COL12A1: variants seen among roughly 807,000 people sequenced by gnomAD.
The protein encoded by COL12A1 is collagen type XII alpha 1 chain, also known as collagen alpha-1(XII) chain.
COL12A1 carries 114 observed loss-of-function variants against 349.7 expected under a neutral mutation model. That is an observed-to-expected ratio of 0.33 (90% CI 0.28 to 0.38). COL12A1 has a LOEUF of 0.38. Among genes scored for constraint, COL12A1 ranks in the 10% least tolerant of loss-of-function variants. The probability of loss-of-function intolerance (pLI) is 1.00; values close to 1 mark genes in which losing one functional copy is unlikely to be tolerated. For missense variants in COL12A1, 3,284 were observed against 3,756.9 expected, an observed-to-expected ratio of 0.87 and a Z score of 3.29; for synonymous variants, 1,369 against 1,329.0, an observed-to-expected ratio of 1.03 and a Z score of -0.66.
At chr6:75,182,930 CAT>C (rs1367088865) in intron 10 of COL12A1, 118 bp downstream of exon 10, 2 of 1,228,722 alleles carry the variant, frequency 1.6e-6, no homozygotes, top group African/African-American at 3.0e-5. Flanking sequence ...TTTTCAATAA[CAT>C]AGGAAAGTTA....
intron 2 of COL12A1, among the ~76,000 whole-genome samples, chr6:75,201,472 A>G (rs1463336393): frequency 1.3e-5 from 2 of 152,080 alleles, no homozygotes; most frequent in African/African-American, 2.4e-5. Flanking sequence ...AAAATCCAAC[A>G]CTATAGAAAC....
At chr6:75,200,138 G>A (rs918110522) in intron 2 of COL12A1, among the ~76,000 whole-genome samples, 1 of 152,116 alleles carries the variant, frequency 6.6e-6, no homozygotes, top group East Asian at 1.9e-4. Context: ...AGAAATTCTG[G>A]TTCCAGCCCA....
chr6:75,170,407 T>C (rs1323919259), intron 13 of COL12A1, among the ~76,000 whole-genome samples: 2 of 152,214 alleles, frequency 1.3e-5, no homozygotes, highest in Admixed American at 1.3e-4. Flanking sequence ...GTGGATAACA[T>C]TCATGTGGAA....
At chr6:75,135,760 C>T (rs1384801782) in intron 31 of COL12A1, among the ~76,000 whole-genome samples, 1 of 152,156 alleles carries the variant, frequency 6.6e-6, no homozygotes, top group Non-Finnish European at 1.5e-5. Flanking sequence ...TACGGACAAA[C>T]TGAACTACCG....
intron 13 of COL12A1, among the ~76,000 whole-genome samples, chr6:75,166,653 A>C (rs1582164225): frequency 1.3e-5 from 2 of 152,210 alleles, no homozygotes; most frequent in East Asian, 3.8e-4. Context: ...ACAGTATGAC[A>C]TAAATACAAA....
At position 75,124,259 on chromosome 6, in the gene COL12A1, T is replaced by A; in HGVS notation, c.6720A>T (p.Ala2240=). The A allele has an allele frequency of 6.2e-7, 1 of 1,613,114 alleles. No individual in the cohort carries two copies. Among genetic ancestry groups the A allele is most frequent in the East Asian group, 2.2e-5 (1 of 44,876 alleles). Residue 2240 remains alanine (A), a synonymous_variant, in exon 41 of 66, where the codon GCA becomes GCT. Transcript: ENST00000322507. ...ATSYRLKLSP[A]DGTRGQEITV... ...TTTTCTTTTTTACACACATACCATC[T>A]GCAGGGCTTAGTTTTAGCCTGTAGG...
intron 3 of COL12A1, among the ~76,000 whole-genome samples, chr6:75,193,286 A>G (rs1770040687): frequency 6.6e-6 from 1 of 152,134 alleles, no homozygotes; most frequent in South Asian, 2.1e-4. Flanking sequence ...TGATTTTCTG[A>G]TTTGGAATGA....
At chr6:75,189,068 G>A in intron 7 of COL12A1, 149 bp downstream of exon 7, 1 of 829,432 alleles carries the variant, frequency 1.2e-6, no homozygotes, top group South Asian at 2.3e-5. Context: ...TTTACTTAAA[G>A]ACAATTTAAG....
chr6:75,199,717 C>T (rs683406), intron 2 of COL12A1, among the ~76,000 whole-genome samples: 3,836 of 152,164 alleles, frequency 0.025, 174 homozygotes, highest in African/African-American at 0.087. Flanking sequence ...TGCAGTGATG[C>T]GGTTGATAAA....
chr6:75,130,910 G>T lies in COL12A1; in HGVS notation c.6009C>A (p.Asn2003Lys). 3 of 1,614,106 alleles carry T rather than the reference G, an allele frequency of 1.9e-6. No individual in the cohort carries two copies. In the South Asian group the frequency reaches 3.3e-5, roughly 18 times the overall value. ...RLIPDTLYSV[N>K]LVALYSDGEG... ...CTCCATCCGAGTACAGAGCCACAAG[G>T]TTCACGGAATAGAGTGTGTCCGGAA... The change falls in exon 36 of 66, where the codon AAC becomes AAA. Residue 2003 changes from asparagine (N) to lysine (K), a missense_variant. Asn to Lys is a moderately conservative substitution (Grantham distance 94). Transcript: ENST00000322507.
chr6:75,124,352 A>G lies in COL12A1; in HGVS notation c.6627T>C (p.Asp2209=), dbSNP rs1458129254. The G allele has an allele frequency of 2.5e-6, 4 of 1,610,170 alleles. No individual in the cohort carries two copies. In the East Asian group the frequency reaches 8.9e-5, roughly 36 times the overall value. The stretch of plus-strand genomic sequence containing the variant: ...CCCACCCAATCTGGTAAGTTTTCAG[A>G]TCTGTTACATTTAAATATACTACAA... The part of the protein sequence containing the change: ...QGTTLYLNVT[D]LKTYQIGWDT... The change falls in exon 41 of 66, where the codon GAT becomes GAC. Residue 2209 remains aspartate (D), a synonymous_variant. Transcript: ENST00000322507.
chr6:75,130,763 A>G lies in COL12A1; in HGVS notation c.6067+89T>C, dbSNP rs910226252. 4 of 1,538,880 alleles carry G rather than the reference A, an allele frequency of 2.6e-6. No individual in the cohort carries two copies. The African/African-American group carries it at 4.1e-5, about 16-fold the overall frequency. ...CCCAGGCAGAAAGCACCCATCTCTC[A>G]CCACCCCCCTCCCACCACTCATTCA... On this transcript the variant is annotated intron_variant, in intron 36 of 65. Transcript: ENST00000322507.
rs751496600 is a variant in COL12A1 at position 75,181,167 on chromosome 6, A to T, written c.1936T>A (p.Tyr646Asn). ...KDLSFSEVTS[Y>N]GFKTNWSPAG... The stretch of plus-strand genomic sequence containing the variant: ...GGAGACCAGTTGGTTTTGAAACCAT[A>T]AGAAGTCACTTCTGAAAAACTAAGA... Residue 646 changes from tyrosine to asparagine, a missense_variant, in exon 11 of 66, where the codon TAT becomes AAT. By Grantham distance (143) the Tyr-to-Asn change is moderately radical. Coordinates refer to ENST00000322507, the MANE Select transcript of COL12A1 (RefSeq NM_004370.6). The T allele has an allele frequency of 1.9e-6, 3 of 1,614,014 alleles. No homozygotes were observed. Among genetic ancestry groups the T allele is most frequent in the Admixed American group, 1.7e-5 (1 of 59,986 alleles).
rs761187970 is a variant in COL12A1 at position 75,183,294 on chromosome 6, C to T, written c.1647G>A (p.Thr549=). The change falls in exon 10 of 66, where the codon ACG becomes ACA. Residue 549 remains threonine, a synonymous_variant. Transcript: ENST00000322507. The part of the protein sequence containing the change: ...SNVPKVMILI[T]DGKSSDAFRD... Reference sequence around the variant, plus strand: ...TGAAAGCATCTGATGATTTCCCATCCGTGATAAGAATCATGACCTTTGGCA... The same window carrying T: ...TGAAAGCATCTGATGATTTCCCATCTGTGATAAGAATCATGACCTTTGGCA... 27 of 1,614,064 alleles carry T rather than the reference C, an allele frequency of 1.7e-5. No individual in the cohort carries two copies. In the Admixed American group the frequency reaches 2.3e-4, roughly 14 times the overall value.
At position 75,128,430 on chromosome 6, in the gene COL12A1, A is replaced by G. The variant is rs1379978669; in HGVS notation, c.6211-5T>C. On this transcript the variant is annotated splice_polypyrimidine_tract_variant and splice_region_variant and intron_variant, in intron 37 of 65. Transcript: ENST00000322507. Reference sequence around the variant, plus strand: ...TCTTCTGCCTGGGACTGTGGTCTATAGAGGAAGTTAAATTATAAATATATT... The same window carrying G: ...TCTTCTGCCTGGGACTGTGGTCTATGGAGGAAGTTAAATTATAAATATATT... 1.3e-6 allele frequency: 2 copies of G among 1,556,466 alleles called. No individual in the cohort carries two copies. The highest frequency in any genetic ancestry group is 1.7e-4 in the Middle Eastern group (1 of 5,866).
At chr6:75,136,145 G>A (rs1450929609) in intron 31 of COL12A1, among the ~76,000 whole-genome samples, 1 of 152,088 alleles carries the variant, frequency 6.6e-6, no homozygotes, top group African/African-American at 2.4e-5. Flanking sequence ...CCCCCAAGAT[G>A]GGAAATGCTA....
rs776765580 is a variant in COL12A1 at position 75,116,942 on chromosome 6, A to C, written c.7519+440T>G. ...AAGCTGAACTTGAAAATCTAAACCC[A>C]AACAAACAAATGGGAACCAAATGAA... On this transcript the variant is annotated intron_variant, in intron 47 of 65. Coordinates refer to ENST00000322507, the MANE Select transcript of COL12A1 (RefSeq NM_004370.6). Among the ~76,000 whole-genome samples the C allele has an allele frequency of 2.1e-4, 32 of 152,144 alleles. 1 individual carries two copies. The highest frequency in any genetic ancestry group is 5.9e-5 in the Non-Finnish European group (4 of 68,010).
chr6:75,121,879 A>G lies in COL12A1; in HGVS notation c.6947-438T>C, dbSNP rs1467595720. Among the ~76,000 whole-genome samples, 13 of 143,958 alleles carry G rather than the reference A, an allele frequency of 9.0e-5. 1 individual carries two copies. In the East Asian group the frequency reaches 2.6e-3, roughly 29 times the overall value. 94.4% of individuals were successfully genotyped at this position (143,958 alleles called of 152,430 possible). Reference sequence around the variant, plus strand: ...AGTCCTTTTTTTTTTTTTTTTTTAGACAGGGTCTTGCTCTGTCTTCAGGCT... The same window carrying G: ...AGTCCTTTTTTTTTTTTTTTTTTAGGCAGGGTCTTGCTCTGTCTTCAGGCT... On this transcript the variant is annotated intron_variant, in intron 43 of 65. Coordinates refer to ENST00000322507, the MANE Select transcript of COL12A1 (RefSeq NM_004370.6).
chr6:75,145,664 C>T (rs1767145558), intron 24 of COL12A1, among the ~76,000 whole-genome samples: 1 of 142,878 alleles, frequency 7.0e-6, no homozygotes, highest in Non-Finnish European at 1.5e-5. Flanking sequence ...CAGAGTCTCA[C>T]TCAGTCACCC....
Sources: allele counts gnomAD v4.1 joint callset (sites outside exome capture counted in the v4.1 genomes callset), GRCh38; gene constraint gnomAD v4.1.1; transcripts MANE v1.5; gene names NCBI Gene and HGNC (gene_info 2026-07-23, HGNC 2026-07-21).